TSHR: variants seen among roughly 807,000 people sequenced by gnomAD.
The protein encoded by TSHR is thyrotropin receptor.
In TSHR, 51 loss-of-function variants were observed where a neutral mutation model predicts 64.1. That is an observed-to-expected ratio of 0.80 (90% CI 0.64 to 1.01). The LOEUF (loss-of-function observed/expected upper bound fraction) is 1.01. TSHR is among the 50% of genes least tolerant of loss of function. The pLI is 0.00. For missense variants in TSHR, 877 were observed against 942.8 expected (o/e 0.93, Z 0.91); for synonymous variants, 361 against 361.9 (o/e 1.00, Z 0.03).
intron 1 of TSHR, among the ~76,000 whole-genome samples, chr14:80,963,356 T>C (rs1164500409): frequency 6.6e-6 from 1 of 152,218 alleles, no homozygotes; most frequent in Non-Finnish European, 1.5e-5. Flanking sequence ...TTCCATATAG[T>C]TAGGGTTGCC....
rs528549811 is a variant in TSHR at position 81,110,642 on chromosome 14, A to G, written c.692+2190A>G. ...TGTGTATAAAATGTGAAAATGAAAC[A>G]CCTCCAGATCACCTTGCAAAAACAA... is the stretch of plus-strand genomic sequence containing the variant. On this transcript the variant is annotated intron_variant, in intron 8 of 9. Coordinates refer to ENST00000298171, the MANE Select transcript of TSHR (RefSeq NM_000369.5). Among the ~76,000 whole-genome samples, 151 of 152,310 alleles carry G rather than the reference A, an allele frequency of 9.9e-4. 2 individuals carry two copies. The highest frequency in any genetic ancestry group is 7.9e-3 in the South Asian group (38 of 4,826).
At chr14:80,982,848 C>T in intron 1 of TSHR, 1 of 501,208 alleles carries the variant, frequency 2.0e-6, no homozygotes, top group Admixed American at 2.9e-5. Flanking sequence ...CCGACCCTTG[C>T]ATCCAGACCA....
chr14:81,061,809 G>A lies in TSHR; in HGVS notation c.171-339G>A, dbSNP rs191794120. On this transcript the variant is annotated intron_variant, in intron 1 of 9. Coordinates refer to ENST00000298171, the MANE Select transcript of TSHR (RefSeq NM_000369.5). ...CTAAATTAAAAGGTAAAATAATCAT[G>A]TTTTTTCAATTTAATAAAAAGACCC... is the stretch of plus-strand genomic sequence containing the variant. Among the ~76,000 whole-genome samples, 10 of 152,068 alleles carry A rather than the reference G, an allele frequency of 6.6e-5. No individual in the cohort carries two copies. The East Asian group carries it at 1.9e-3, about 29-fold the overall frequency.
intron 1 of TSHR, 28 bp downstream of exon 1, chr14:80,955,878 G>A (rs752250561): frequency 1.9e-6 from 3 of 1,613,834 alleles, no homozygotes; most frequent in Admixed American, 3.3e-5. Context: ...ATCAGGGTAG[G>A]ACCCAGAGAT....
At chr14:81,056,791 A>C (rs1885838712) in intron 1 of TSHR, among the ~76,000 whole-genome samples, 1 of 152,222 alleles carries the variant, frequency 6.6e-6, no homozygotes, top group East Asian at 1.9e-4. Context: ...GATTCTGGCC[A>C]GTATGCCATT....
intron 1 of TSHR, among the ~76,000 whole-genome samples, chr14:81,040,039 G>A (rs943685563): frequency 4.1e-4 from 62 of 151,872 alleles, no homozygotes; most frequent in Non-Finnish European, 2.2e-4. Flanking sequence ...CAAAGCTGAC[G>A]GCATTGTACT....
At chr14:81,107,970 C>T (rs1333757573) in intron 7 of TSHR, among the ~76,000 whole-genome samples, 2 of 152,090 alleles carry the variant, frequency 1.3e-5, no homozygotes, top group African/African-American at 4.8e-5. Context: ...CATTCCATTC[C>T]TAATTTAAGC....
At chr14:81,135,021 A>G (rs1003527266) in intron 8 of TSHR, among the ~76,000 whole-genome samples, 12 of 152,242 alleles carry the variant, frequency 7.9e-5, no homozygotes, top group East Asian at 5.8e-4. Context: ...AAAAGCATCA[A>G]TGGGTGCTAG....
At chr14:81,127,684 C>A (rs7152963) in intron 8 of TSHR, among the ~76,000 whole-genome samples, 46,345 of 151,924 alleles carry the variant, frequency 0.31, 7,947 homozygotes, top group East Asian at 0.52. Context: ...AAAATCTGAT[C>A]GTTTTATAAG....
intron 3 of TSHR, chr14:81,078,838 C>G (rs921913434): frequency 6.6e-6 from 1 of 152,180 alleles, no homozygotes; most frequent in African/African-American, 2.4e-5. Context: ...CAAATTGTTC[C>G]AGACACCAGC....
At chr14:80,992,131 G>C (rs558275879) in intron 1 of TSHR, 6 of 152,304 alleles carry the variant, frequency 3.9e-5, no homozygotes, top group Admixed American at 3.9e-4. Context: ...GCTGGGCGTG[G>C]TGGCTCACGC....
At chr14:80,980,460 G>C (rs1180839721) in intron 1 of TSHR, among the ~76,000 whole-genome samples, 1 of 152,172 alleles carries the variant, frequency 6.6e-6, no homozygotes, top group Non-Finnish European at 1.5e-5. Context: ...GATTAAGATA[G>C]AATTTTACTG....
intron 1 of TSHR, chr14:80,982,035 G>C: frequency 2.3e-6 from 1 of 426,340 alleles, no homozygotes; most frequent in East Asian, 4.9e-5. Flanking sequence ...AAGCGGAAAA[G>C]AGTCTGCTAT....
At chr14:80,970,667 T>C (rs963729732) in intron 1 of TSHR, among the ~76,000 whole-genome samples, 11 of 152,228 alleles carry the variant, frequency 7.2e-5, no homozygotes. Flanking sequence ...TAGACTCTTG[T>C]AGGTCCTACC....
rs549368694 is a variant in TSHR at position 81,142,524 on chromosome 14, T to C, written c.882-416T>C. ...AGGCCTGCCTGGATCCTGTAGAACCTTATAGAATTATGTACATCATAGTAA... is the reference window on the plus strand; with the variant it reads ...AGGCCTGCCTGGATCCTGTAGAACCCTATAGAATTATGTACATCATAGTAA... On this transcript the variant is annotated intron_variant, in intron 9 of 9. Coordinates refer to ENST00000298171, the MANE Select transcript of TSHR (RefSeq NM_000369.5). Among the ~76,000 whole-genome samples, 429 of 152,194 alleles carry C rather than the reference T, an allele frequency of 2.8e-3. 3 individuals are homozygous for C. The highest frequency in any genetic ancestry group is 3.7e-3 in the Non-Finnish European group (253 of 68,012).
intron 3 of TSHR, chr14:81,078,851 A>C (rs1018942830): frequency 3.3e-5 from 5 of 152,218 alleles, no homozygotes; most frequent in African/African-American, 1.2e-4. Flanking sequence ...ACACCAGCTG[A>C]ATAACACCCA....
intron 2 of TSHR, among the ~76,000 whole-genome samples, chr14:81,064,247 A>ATCAT (rs1886445162): frequency 6.6e-6 from 1 of 152,140 alleles, no homozygotes; most frequent in South Asian, 2.1e-4. Flanking sequence ...TTGAAGGATG[A>ATCAT]TCATTGAGTG....
At chr14:81,089,592 G>A (rs1888567577) in intron 4 of TSHR, among the ~76,000 whole-genome samples, 1 of 152,146 alleles carries the variant, frequency 6.6e-6, no homozygotes, top group Non-Finnish European at 1.5e-5. Flanking sequence ...AGTGACGAAG[G>A]AGAGACATAT....
chr14:80,973,403 C>CAAAAAAAAAAAAAAAAAAAAAACAAA (rs1887689062), intron 1 of TSHR, among the ~76,000 whole-genome samples: 1 of 51,470 alleles, frequency 1.9e-5, no homozygotes, highest in Non-Finnish European at 3.7e-5. Context: ...GACGCTGTCT[C>CAAAAAAAAAAAAAAAAAAAAAACAAA]AAAAAAAAAA....
Sources: gnomAD v4.1 joint callset for allele counts (sites outside exome capture counted in the v4.1 genomes callset) on GRCh38, gnomAD v4.1.1 for gene constraint, MANE v1.5 for transcripts, NCBI Gene and HGNC (gene_info 2026-07-23, HGNC 2026-07-21) for gene names.